Variants in CEP170 observed in about 807,000 individuals in gnomAD.
CEP170 encodes the protein centrosomal protein of 170 kDa.
Under a neutral mutation model 151.9 loss-of-function variants are expected in CEP170, and 21 were observed. That is an observed-to-expected ratio of 0.14 (90% CI 0.10 to 0.20). The LOEUF (loss-of-function observed/expected upper bound fraction) is 0.20. CEP170 is among the 10% of genes least tolerant of loss of function. The probability of loss-of-function intolerance (pLI) is 1.00; values close to 1 mark genes in which losing one functional copy is unlikely to be tolerated. For missense variants in CEP170, 964 were observed against 1,892.9 expected (o/e 0.51, Z 9.11); for synonymous variants, 356 against 648.8 (o/e 0.55, Z 6.86).
intron 10 of CEP170, among the ~76,000 whole-genome samples, chr1:243,175,757 G>A (rs1321314213): frequency 6.6e-6 from 1 of 152,046 alleles, no homozygotes; most frequent in Non-Finnish European, 1.5e-5. Context: ...CTAGACTGTT[G>A]CTTACTGTCA....
intron 13 of CEP170, among the ~76,000 whole-genome samples, chr1:243,160,888 CATA>C (rs938237870): frequency 9.9e-5 from 15 of 152,104 alleles, no homozygotes; most frequent in Non-Finnish European, 2.1e-4. Context: ...AGGATATTAA[CATA>C]ATGTTTTTAT....
chr1:243,169,417 T>A, intron 12 of CEP170: 1 of 821,190 alleles, frequency 1.2e-6, no homozygotes, highest in Non-Finnish European at 1.8e-6. Context: ...ATCAGCCTTT[T>A]ACTTATAAAA....
chr1:243,237,045 T>G (rs2064318541), intron 1 of CEP170, among the ~76,000 whole-genome samples: 1 of 152,208 alleles, frequency 6.6e-6, no homozygotes, highest in African/African-American at 2.4e-5. Context: ...CAGTATAACA[T>G]ATGAAAAGTG....
chr1:243,135,108 G>A (rs1280998853), intron 17 of CEP170, among the ~76,000 whole-genome samples: 1 of 152,104 alleles, frequency 6.6e-6, no homozygotes, highest in African/African-American at 2.4e-5. Context: ...GGACAAGACG[G>A]TGCAGAATAC....
intron 1 of CEP170, among the ~76,000 whole-genome samples, chr1:243,246,155 G>C (rs2065370522): frequency 6.7e-6 from 1 of 149,210 alleles, no homozygotes; most frequent in Admixed American, 6.7e-5. Context: ...AGCATAATTT[G>C]TTGAAATCAA....
intron 3 of CEP170, among the ~76,000 whole-genome samples, chr1:243,216,408 T>C (rs1000361989): frequency 2.6e-4 from 37 of 139,850 alleles, no homozygotes; most frequent in African/African-American, 9.0e-4. Flanking sequence ...CCTGTGTCCA[T>C]GTGTTCTCAT....
intron 13 of CEP170, among the ~76,000 whole-genome samples, chr1:243,158,825 T>C (rs150855331): frequency 0.052 from 7,911 of 152,020 alleles, 453 homozygotes; most frequent in African/African-American, 0.15. Context: ...TCCCAGCACT[T>C]TGGGAGGCTG....
At chr1:243,142,954 T>C (rs962000458) in intron 14 of CEP170, among the ~76,000 whole-genome samples, 3 of 152,206 alleles carry the variant, frequency 2.0e-5, no homozygotes, top group Non-Finnish European at 4.4e-5. Flanking sequence ...ACATTACAGT[T>C]GCTACGGGTA....
chr1:243,255,778 T>G (rs770681730), upstream of CEP170, among the ~76,000 whole-genome samples: 4 of 152,164 alleles, frequency 2.6e-5, no homozygotes, highest in Non-Finnish European at 4.4e-5. Context: ...TCCAGGCAGC[T>G]GAAGAGTGGG....
chr1:243,221,313 G>A (rs1315935480), intron 3 of CEP170, among the ~76,000 whole-genome samples: 3 of 152,152 alleles, frequency 2.0e-5, no homozygotes, highest in South Asian at 2.1e-4. Flanking sequence ...GTGAGCCACC[G>A]CGCCCGGCCC....
intron 17 of CEP170, among the ~76,000 whole-genome samples, chr1:243,132,284 A>G (rs1394825776): frequency 1.3e-5 from 2 of 152,192 alleles, no homozygotes; most frequent in Admixed American, 6.5e-5. Flanking sequence ...TTTGAATAGT[A>G]TCTTCTTCCC....
intron 13 of CEP170, among the ~76,000 whole-genome samples, chr1:243,163,996 C>T (rs1400125739): frequency 1.3e-5 from 2 of 152,112 alleles, no homozygotes; most frequent in Non-Finnish European, 2.9e-5. Flanking sequence ...ATAGCACCAA[C>T]TGGAAAATTA....
At chr1:243,208,252 T>C (rs1359371107) in intron 4 of CEP170, among the ~76,000 whole-genome samples, 1 of 152,132 alleles carries the variant, frequency 6.6e-6, no homozygotes, top group Non-Finnish European at 1.5e-5. Context: ...ACTACTGCAA[T>C]AGCCTCCTAA....
At chr1:243,245,803 G>A (rs2065330764) in intron 1 of CEP170, among the ~76,000 whole-genome samples, 1 of 151,882 alleles carries the variant, frequency 6.6e-6, no homozygotes, top group Non-Finnish European at 1.5e-5. Context: ...AAACTTAGAT[G>A]GGCATGGCAG....
At chr1:243,224,123 A>T (rs1482092877) in intron 2 of CEP170, among the ~76,000 whole-genome samples, 1 of 152,226 alleles carries the variant, frequency 6.6e-6, no homozygotes, top group Non-Finnish European at 1.5e-5. Flanking sequence ...TGACAACTTG[A>T]TATTCACAAC....
In CEP170 at chr1:243,144,029, CATTT is replaced by C. The variant is rs1045803811; in HGVS notation, c.3912-1570_3912-1567del. ...TTTGTAAAAACGTCAGTTAATTCCTCATTTATTTATCAACACAAAGAGGCAGGAA... is the reference window on the plus strand; with the variant it reads ...TTTGTAAAAACGTCAGTTAATTCCTCATTTATCAACACAAAGAGGCAGGAA... On this transcript the variant is annotated intron_variant, in intron 14 of 19. Coordinates refer to ENST00000366542, the MANE Select transcript of CEP170 (RefSeq NM_014812.3). Among the ~76,000 whole-genome samples, 50 of 152,160 alleles carry C rather than the reference CATTT, an allele frequency of 3.3e-4. 1 individual carries two copies. Among genetic ancestry groups the C allele is most frequent in the Admixed American group, 2.8e-3 (43 of 15,278 alleles).
At chr1:243,173,517 C>T (rs1265501055) in intron 10 of CEP170, among the ~76,000 whole-genome samples, 13 of 151,634 alleles carry the variant, frequency 8.6e-5, no homozygotes, top group Non-Finnish European at 1.9e-4. Context: ...GAGCAGATCA[C>T]TTGAGGTCAG....
intron 3 of CEP170, chr1:243,221,465 C>A (rs889318782): frequency 2.4e-6 from 1 of 417,526 alleles, no homozygotes; most frequent in Non-Finnish European, 4.2e-6. Context: ...TAGGTTCCAA[C>A]TCCTTAAAGA....
chr1:243,222,499 T>C (rs762917540), intron 2 of CEP170, among the ~76,000 whole-genome samples: 14 of 152,250 alleles, frequency 9.2e-5, no homozygotes, highest in Middle Eastern at 3.2e-3. Flanking sequence ...AGCAGAACGA[T>C]AAGCCTGTGG....
Sources: allele counts gnomAD v4.1 joint callset (sites outside exome capture counted in the v4.1 genomes callset), GRCh38; gene constraint gnomAD v4.1.1; transcripts MANE v1.5; gene names NCBI Gene and HGNC (gene_info 2026-07-23, HGNC 2026-07-21).